The following FRMPD4 variants were observed in gnomAD, a reference collection of about 807,000 sequenced individuals.
The protein encoded by FRMPD4 is FERM and PDZ domain containing 4.
Under a neutral mutation model 94.1 loss-of-function variants are expected in FRMPD4, and 22 were observed. That is an observed-to-expected ratio of 0.23 (90% CI 0.17 to 0.33). The LOEUF (loss-of-function observed/expected upper bound fraction) is 0.33, where lower values mean the gene tolerates loss of function less well. Ranked by LOEUF, FRMPD4 falls within the 10% of genes least tolerant of loss-of-function variation. The pLI is 1.00. For missense variants in FRMPD4, 1,111 were observed against 1,339.9 expected (o/e 0.83, Z 2.67); for synonymous variants, 631 against 548.6 (o/e 1.15, Z -2.10).
In FRMPD4 at chrX:12,194,061, G is replaced by C. The variant is rs911721307; in HGVS notation, c.41+55049G>C. On this transcript the variant is annotated intron_variant, in intron 1 of 16. Transcript: ENST00000675598. ...CTCTGTTAAGTGGGTAGGGGTGAGG[G>C]GTTATGCACAAGACCAAACGGAATG... 3.7e-5 allele frequency among the ~76,000 whole-genome samples: 4 copies of C among 108,622 alleles called. No homozygotes were observed. The Admixed American group carries it at 4.0e-4, about 11-fold the overall frequency. The allele number at this position is 108,622 out of a possible 115,157, so 94.3% of individuals were successfully genotyped here. A position where few individuals can be genotyped will look rare whatever the true frequency, so the allele number is the denominator to read the frequency against.
chrX:11,829,712 C>G (rs990996263), intron 1 of FRMPD4, among the ~76,000 whole-genome samples: 1 of 111,920 alleles, frequency 8.9e-6, no homozygotes, highest in African/African-American at 3.2e-5. Context: ...TGGTCTCTCT[C>G]CAGACAGGTG....
intron 1 of FRMPD4, among the ~76,000 whole-genome samples, chrX:12,226,770 CAA>C (rs2056927785): frequency 9.0e-6 from 1 of 111,228 alleles, no homozygotes; most frequent in Non-Finnish European, 1.9e-5. Context: ...CTAAAAAACT[CAA>C]GTCTTCTATA....
At chrX:11,925,724 T>C (rs2054083430) in intron 3 of FRMPD4, among the ~76,000 whole-genome samples, 1 of 111,764 alleles carries the variant, frequency 8.9e-6, no homozygotes, top group African/African-American at 3.3e-5. Context: ...AGATACAACA[T>C]ACCAGAATCT....
chrX:12,382,938 T>G (rs1275610051), intron 1 of FRMPD4, among the ~76,000 whole-genome samples: 2 of 111,992 alleles, frequency 1.8e-5, no homozygotes, highest in Non-Finnish European at 3.8e-5. Flanking sequence ...TCGGAAAACG[T>G]TTGTTGGATC....
At chrX:11,851,548 A>C (rs1012125230) in intron 1 of FRMPD4, among the ~76,000 whole-genome samples, 2 of 111,684 alleles carry the variant, frequency 1.8e-5, no homozygotes, top group African/African-American at 6.5e-5. Context: ...ATCCCATTTT[A>C]ATAAGTAAGT....
intron 1 of FRMPD4, among the ~76,000 whole-genome samples, chrX:12,358,149 G>T (rs2055923879): frequency 1.8e-5 from 2 of 112,107 alleles, no homozygotes; most frequent in African/African-American, 6.5e-5. Context: ...TTATGAGCGT[G>T]TGGGTTGTTA....
intron 1 of FRMPD4, among the ~76,000 whole-genome samples, chrX:11,825,827 T>C (rs2053440846): frequency 8.9e-6 from 1 of 112,336 alleles, no homozygotes; most frequent in South Asian, 3.7e-4. Context: ...CTCTGTATTA[T>C]TTTTGCAAGT....
chrX:12,559,653 G>GGAAA (rs1555984292), intron 2 of FRMPD4, among the ~76,000 whole-genome samples: 2 of 95,402 alleles, frequency 2.1e-5, no homozygotes, highest in Non-Finnish European at 4.1e-5. Flanking sequence ...CCGTCTCAAG[G>GGAAA]AAAAAAAAAA....
intron 3 of FRMPD4, among the ~76,000 whole-genome samples, chrX:12,613,082 A>G (rs1288068641): frequency 8.9e-6 from 1 of 112,290 alleles, no homozygotes; most frequent in African/African-American, 3.2e-5. Context: ...AATAGCAATA[A>G]TATTTGAAAG....
chrX:12,611,562 AC>A lies in FRMPD4; in HGVS notation c.319+1682del, dbSNP rs982415929. Among the ~76,000 whole-genome samples the A allele has an allele frequency of 2.5e-4, 28 of 112,346 alleles. No homozygotes were observed. In the South Asian group the frequency reaches 6.6e-3, roughly 27 times the overall value. On this transcript the variant is annotated intron_variant, in intron 3 of 16. Coordinates refer to ENST00000675598, the MANE Select transcript of FRMPD4 (RefSeq NM_001368397.1). ...CATCCTGGTCATTCCATAGATGTTT[AC>A]TTTTATTGTTATTGTTATTTAACTC...
At chrX:12,706,569 C>T (rs905218665) in intron 11 of FRMPD4, among the ~76,000 whole-genome samples, 4 of 111,134 alleles carry the variant, frequency 3.6e-5, no homozygotes, top group African/African-American at 1.3e-4. Context: ...TGCCCTGGCC[C>T]AGCATATCTA....
intron 3 of FRMPD4, among the ~76,000 whole-genome samples, chrX:12,115,566 G>A (rs189053518): frequency 1.8e-5 from 2 of 109,669 alleles, no homozygotes; most frequent in African/African-American, 6.7e-5. Flanking sequence ...TTGCTCCCCT[G>A]CCCCCTCTGT....
chrX:12,385,990 G>A (rs2056392766), intron 1 of FRMPD4, among the ~76,000 whole-genome samples: 1 of 112,319 alleles, frequency 8.9e-6, no homozygotes, highest in Non-Finnish European at 1.9e-5. Flanking sequence ...GCACAAATAA[G>A]CAGAACTCTG....
intron 4 of FRMPD4, among the ~76,000 whole-genome samples, chrX:12,639,681 C>T (rs182925552): frequency 5.3e-5 from 6 of 112,443 alleles, no homozygotes; most frequent in African/African-American, 1.6e-4. Context: ...ATAATTTTCA[C>T]ACTATGTGTT....
chrX:11,915,835 C>G (rs1406538184), intron 3 of FRMPD4, among the ~76,000 whole-genome samples: 1 of 111,906 alleles, frequency 8.9e-6, no homozygotes, highest in East Asian at 2.8e-4. Flanking sequence ...AGCCCCATGC[C>G]TCAGTTTCCC....
At chrX:12,049,288 G>T (rs1418387323) in intron 3 of FRMPD4, among the ~76,000 whole-genome samples, 1 of 111,560 alleles carries the variant, frequency 9.0e-6, no homozygotes, top group African/African-American at 3.3e-5. Context: ...CTCTCAGTGT[G>T]AATGTTATTG....
chrX:12,087,019 C>T (rs2055116639), intron 3 of FRMPD4, among the ~76,000 whole-genome samples: 1 of 111,735 alleles, frequency 8.9e-6, no homozygotes, highest in African/African-American at 3.3e-5. Flanking sequence ...CTGACAGAGG[C>T]CCTCTCACAA....
intron 3 of FRMPD4, among the ~76,000 whole-genome samples, chrX:12,025,389 G>A (rs957803096): frequency 9.2e-6 from 1 of 109,150 alleles, no homozygotes; most frequent in Non-Finnish European, 1.9e-5. Flanking sequence ...GTCAAACTTA[G>A]GACATCTAAG....
chrX:12,435,082 CT>C (rs1477252425), intron 1 of FRMPD4, among the ~76,000 whole-genome samples: 16 of 111,190 alleles, frequency 1.4e-4, no homozygotes, highest in Non-Finnish European at 2.8e-4. Context: ...ATATTTTATA[CT>C]TTTTTAATGT....
Sources: gnomAD v4.1 joint callset for allele counts (sites outside exome capture counted in the v4.1 genomes callset) on GRCh38, gnomAD v4.1.1 for gene constraint, MANE v1.5 for transcripts, NCBI Gene and HGNC (gene_info 2026-07-23, HGNC 2026-07-21) for gene names.